SCN8A: variants seen among roughly 807,000 people sequenced by gnomAD.
SCN8A encodes sodium channel protein type 8 subunit alpha.
Under a neutral mutation model 184.1 loss-of-function variants are expected in SCN8A, and 30 were observed. That is an observed-to-expected ratio of 0.16 (90% CI 0.12 to 0.22). The LOEUF is 0.22. Ranked by LOEUF, SCN8A falls within the 10% of genes least tolerant of loss-of-function variation. The pLI, the probability that SCN8A is intolerant of heterozygous loss-of-function variation, is 1.00. For missense variants in SCN8A, 1,057 were observed against 2,498.9 expected (o/e 0.42, Z 12.30); for synonymous variants, 852 against 907.0 (o/e 0.94, Z 1.09).
In SCN8A at chr12:51,721,913, A is replaced by G. The variant is rs767223873; in HGVS notation, c.1998+5A>G. 6.3e-7 allele frequency: 1 copy of G among 1,599,920 alleles called. No individual in the cohort carries two copies. The highest frequency in any genetic ancestry group is 8.5e-7 in the Non-Finnish European group (1 of 1,179,796). Reference sequence around the variant, plus strand: ...GGCGGGCGTCTCCTGCCAGAGGTGAAAATTGATAAGGCAGCTACCGATGAC... The same window carrying G: ...GGCGGGCGTCTCCTGCCAGAGGTGAGAATTGATAAGGCAGCTACCGATGAC... On this transcript the variant is annotated splice_donor_5th_base_variant and intron_variant, in intron 12 of 26. Coordinates refer to ENST00000627620, the MANE Select transcript of SCN8A (RefSeq NM_001330260.2).
intron 11 of SCN8A, among the ~76,000 whole-genome samples, chr12:51,708,730 G>A (rs549100656): frequency 1.3e-5 from 2 of 152,114 alleles, no homozygotes; most frequent in South Asian, 2.1e-4. Context: ...GTTCTACTGC[G>A]TTTGTCCACT....
intron 1 of SCN8A, among the ~76,000 whole-genome samples, chr12:51,600,646 C>G (rs2138556603): frequency 6.6e-6 from 1 of 152,152 alleles, no homozygotes; most frequent in East Asian, 1.9e-4. Flanking sequence ...TAACTTAGAG[C>G]AAAGGCAGAA....
At chr12:51,714,881 A>G (rs563482409) in intron 11 of SCN8A, among the ~76,000 whole-genome samples, 2 of 152,336 alleles carry the variant, frequency 1.3e-5, no homozygotes, top group African/African-American at 4.8e-5. Context: ...GACTGCCTGA[A>G]AAGGACTAAA....
chr12:51,623,721 G>A (rs776923572), intron 1 of SCN8A, among the ~76,000 whole-genome samples: 9 of 151,986 alleles, frequency 5.9e-5, no homozygotes, highest in Non-Finnish European at 1.3e-4. Context: ...CCATTAACTC[G>A]TCATTTAACA....
chr12:51,775,543 G>A (rs757739014), intron 20 of SCN8A, among the ~76,000 whole-genome samples: 3 of 152,160 alleles, frequency 2.0e-5, no homozygotes, highest in Non-Finnish European at 4.4e-5. Context: ...GGGTACCAAC[G>A]TGAGACCCTC....
chr12:51,731,412 G>A (rs1176286610), intron 12 of SCN8A, among the ~76,000 whole-genome samples: 4 of 151,928 alleles, frequency 2.6e-5, no homozygotes, highest in African/African-American at 4.8e-5. Flanking sequence ...CACCACGCCC[G>A]GCTAATTTTT....
rs57362371 is a variant in SCN8A, at chr12:51,640,212, GTTTTTTTTTTTTTTTTTTTT to G, written c.-54-22530_-54-22511del. Among the ~76,000 whole-genome samples, 166 of 34,768 alleles carry G rather than the reference GTTTTTTTTTTTTTTTTTTTT, an allele frequency of 4.8e-3. 2 individuals carry two copies. The highest frequency in any genetic ancestry group is 0.017 in the African/African-American group (145 of 8,320). The allele number at this position is 34,768 out of a possible 152,430, so 22.8% of individuals were successfully genotyped here. On this transcript the variant is annotated intron_variant, in intron 1 of 26. Transcript: ENST00000627620. Reference sequence around the variant, plus strand: ...GGATATGAGCACATGTGCCTGGCCTGTTTTTTTTTTTTTTTTTTTTTTTTTTTTTTTTTTTTTTTTTAAGA... The same window carrying G: ...GGATATGAGCACATGTGCCTGGCCTGTTTTTTTTTTTTTTTTTTTTTAAGA...
At chr12:51,744,754 A>G (rs2138826537) in intron 12 of SCN8A, among the ~76,000 whole-genome samples, 1 of 152,154 alleles carries the variant, frequency 6.6e-6, no homozygotes, top group Admixed American at 6.5e-5. Context: ...GATAAATCGT[A>G]ATCTGCTAGG....
intron 11 of SCN8A, among the ~76,000 whole-genome samples, chr12:51,707,150 A>G (rs1192212692): frequency 2.0e-5 from 3 of 152,102 alleles, no homozygotes; most frequent in South Asian, 4.1e-4. Context: ...TATTTTGTCT[A>G]TTGTAAATAG....
intron 1 of SCN8A, among the ~76,000 whole-genome samples, chr12:51,597,315 G>A (rs1939370326): frequency 6.6e-6 from 1 of 152,122 alleles, no homozygotes; most frequent in African/African-American, 2.4e-5. Context: ...GAAGTGGAAA[G>A]CACTGAACTC....
rs190497180 is a variant in SCN8A at position 51,657,659 on chromosome 12, T to G, written c.-54-5105T>G. ...AATCCCATTTGTCTATTTTTGCCTG[T>G]GTTTCCTGTGCTTTTGAGGTCTTCT... On this transcript the variant is annotated intron_variant, in intron 1 of 26. Coordinates refer to ENST00000627620, the MANE Select transcript of SCN8A (RefSeq NM_001330260.2). Among the ~76,000 whole-genome samples the G allele has an allele frequency of 9.2e-5, 14 of 152,280 alleles. No individual in the cohort carries two copies. In the East Asian group the frequency reaches 2.1e-3, roughly 23 times the overall value.
Position 51,726,089 on chromosome 12 carries a change from T to C in SCN8A, c.1998+4181T>C, listed in dbSNP as rs1942150886. Among the ~76,000 whole-genome samples the C allele has an allele frequency of 2.6e-5, 4 of 152,238 alleles. No homozygotes were observed. The South Asian group carries it at 6.2e-4, about 24-fold the overall frequency. ...AAAAGACATTCAGACATCACTTCAT[T>C]AGTCTCATCAAAAATTATTTTATAT... On this transcript the variant is annotated intron_variant, in intron 12 of 26. Transcript: ENST00000627620.
Position 51,765,829 on chromosome 12 carries a change from C to T in SCN8A, c.2703C>T (p.Tyr901=). 1 of 1,614,054 alleles carries T rather than the reference C, an allele frequency of 6.2e-7. No individual in the cohort carries two copies. Among genetic ancestry groups the T allele is most frequent in the Non-Finnish European group, 8.5e-7 (1 of 1,179,980 alleles). The change falls in exon 16 of 27, where the codon TAC becomes TAT. Residue 901 remains tyrosine (Y), a synonymous_variant. Transcript: ENST00000627620. ...GGATGCAACTCTTTGGAAAAAGCTA[C>T]AAAGAGTGTGTCTGCAAGATCAACC... ...VVGMQLFGKS[Y]KECVCKINQD...
chr12:51,781,943 G>A (rs1022539220), intron 21 of SCN8A, among the ~76,000 whole-genome samples: 5 of 152,218 alleles, frequency 3.3e-5, no homozygotes, highest in African/African-American at 4.8e-5. Context: ...GTGCTGCTAC[G>A]TTCATTCCTC....
At chr12:51,594,968 A>G (rs1265954940) in intron 1 of SCN8A, among the ~76,000 whole-genome samples, 1 of 152,144 alleles carries the variant, frequency 6.6e-6, no homozygotes, top group Non-Finnish European at 1.5e-5. Flanking sequence ...AAATGTTCCA[A>G]AAAAAACTGT....
rs565192404 is a variant in SCN8A at position 51,704,746 on chromosome 12, G to A, written c.1135-671G>A. ...TCCCAGCACTTTGGGAGGCCGAGGC[G>A]GGTGGATCATGAGGTCAGGAGCTCA... On this transcript the variant is annotated intron_variant, in intron 9 of 26. Coordinates refer to ENST00000627620, the MANE Select transcript of SCN8A (RefSeq NM_001330260.2). 2.0e-3 allele frequency among the ~76,000 whole-genome samples: 308 copies of A among 151,292 alleles called. 2 individuals are homozygous for A. The highest frequency in any genetic ancestry group is 1.8e-3 in the Non-Finnish European group (125 of 67,864).
Position 51,639,011 on chromosome 12 carries a change from C to T in SCN8A, c.-54-23753C>T, listed in dbSNP as rs184670239. 7.9e-5 allele frequency among the ~76,000 whole-genome samples: 12 copies of T among 152,136 alleles called. No individual in the cohort carries two copies. In the East Asian group the frequency reaches 1.2e-3, roughly 15 times the overall value. On this transcript the variant is annotated intron_variant, in intron 1 of 26. Coordinates refer to ENST00000627620, the MANE Select transcript of SCN8A (RefSeq NM_001330260.2). ...TTTTTTCTTTTTTGAGACAGGGTCT[C>T]GCTTTATCGCTCAGGCTTGAGTGCA... is the stretch of plus-strand genomic sequence containing the variant.
rs1940957150 is a variant in SCN8A, at chr12:51,663,058, C to T, written c.241C>T (p.Leu81=). The change falls in exon 2 of 27, where the codon CTG becomes TTG. Residue 81 remains leucine (L), a synonymous_variant. Coordinates refer to ENST00000627620, the MANE Select transcript of SCN8A (RefSeq NM_001330260.2). Reference sequence around the variant, plus strand: ...CCCCCAAGGCCTGGTTGCAGTTCCCCTGGAGGACTTTGACCCATACTATTT... The same window carrying T: ...CCCCCAAGGCCTGGTTGCAGTTCCCTTGGAGGACTTTGACCCATACTATTT... The part of the protein sequence containing the change: ...DIPQGLVAVP[L]EDFDPYYLTQ... 6.2e-7 allele frequency: 1 copy of T among 1,614,014 alleles called. No individual in the cohort carries two copies. Among genetic ancestry groups the T allele is most frequent in the Non-Finnish European group, 8.5e-7 (1 of 1,179,880 alleles).
chr12:51,734,781 A>C lies in SCN8A; in HGVS notation c.1999-11122A>C, dbSNP rs190743396. On this transcript the variant is annotated intron_variant, in intron 12 of 26. Transcript: ENST00000627620. ...TTTGTCACAGTGAGCTACTTCTTGCAGGAGTCAGAATCTGCATCTGCAGAC... is the reference window on the plus strand; with the variant it reads ...TTTGTCACAGTGAGCTACTTCTTGCCGGAGTCAGAATCTGCATCTGCAGAC... 4.4e-3 allele frequency among the ~76,000 whole-genome samples: 664 copies of C among 152,370 alleles called. 6 individuals carry two copies. Among genetic ancestry groups the C allele is most frequent in the African/African-American group, 0.015 (640 of 41,590 alleles).
Sources: gnomAD v4.1 joint callset for allele counts (sites outside exome capture counted in the v4.1 genomes callset) on GRCh38, gnomAD v4.1.1 for gene constraint, MANE v1.5 for transcripts, NCBI Gene and HGNC (gene_info 2026-07-23, HGNC 2026-07-21) for gene names.